PCDHGB3: variants seen among roughly 807,000 people sequenced by gnomAD.
PCDHGB3 encodes the protein protocadherin gamma subfamily B, 3, also known as protocadherin gamma-B3.
PCDHGB3 carries 40 observed loss-of-function variants against 59.2 expected under a neutral mutation model. The observed-to-expected ratio is 0.68, with a 90% confidence interval of 0.52 to 0.88. PCDHGB3 has a LOEUF of 0.88. Among genes scored for constraint, PCDHGB3 ranks in the 40% least tolerant of loss-of-function variants. PCDHGB3 has a pLI of 0.00. For synonymous variants in PCDHGB3, 581 were observed against 503.6 expected (o/e 1.15, Z -2.06); for missense variants, 1,309 against 1,187.9 (o/e 1.10, Z -1.50).
rs773014837 is a variant in PCDHGB3 at position 141,374,968 on chromosome 5, T to G, written c.2415+2159T>G. 114 of 1,614,056 alleles carry G rather than the reference T, an allele frequency of 7.1e-5. No individual in the cohort carries two copies. The highest frequency in any genetic ancestry group is 3.3e-4 in the Middle Eastern group (2 of 6,062). On this transcript the variant is annotated intron_variant, in intron 1 of 3. Transcript: ENST00000576222. ...AGATCTCACAAATTTTCTGTTTGAA[T>G]GTTTTGACTGGAGAAATTTCAACTT... is the stretch of plus-strand genomic sequence containing the variant.
At chr5:141,428,320 T>G in intron 1 of PCDHGB3, 2 of 650,176 alleles carry the variant, frequency 3.1e-6, no homozygotes, top group Non-Finnish European at 5.5e-6. Context: ...GGCCTTGGCC[T>G]TGATTTCTAT....
chr5:141,383,417 G>T lies in PCDHGB3; in HGVS notation c.2415+10608G>T. The T allele has an allele frequency of 1.9e-6, 3 of 1,614,014 alleles. No homozygotes were observed. In the South Asian group the frequency reaches 3.3e-5, roughly 18 times the overall value. On this transcript the variant is annotated intron_variant, in intron 1 of 3. Transcript: ENST00000576222. ...AACTCCCTCCAGAGTTACCAGCTCA[G>T]CCCCAATCGCCACTTCTCCCTGGCT...
At position 141,424,135 on chromosome 5, in the gene PCDHGB3, G is replaced by A. The variant is rs572224199; in HGVS notation, c.2415+51326G>A. 1.1e-4 allele frequency: 47 copies of A among 431,606 alleles called. No individual in the cohort carries two copies. The South Asian group carries it at 4.6e-3, about 43-fold the overall frequency. The allele number at this position is 431,606 out of a possible 1,614,324, so 26.7% of individuals were successfully genotyped here. On this transcript the variant is annotated intron_variant, in intron 1 of 3. Coordinates refer to ENST00000576222, the MANE Select transcript of PCDHGB3 (RefSeq NM_018924.5). The stretch of plus-strand genomic sequence containing the variant: ...AAATTTTGATCCTGTTGATTTAATA[G>A]CATGCTCCCTCTAGCTCTCCTTCTC...
chr5:141,490,775 A>G lies in PCDHGB3; in HGVS notation c.2416-4032A>G. 6 of 1,614,110 alleles carry G rather than the reference A, an allele frequency of 3.7e-6. No homozygotes were observed. Among genetic ancestry groups the G allele is most frequent in the Non-Finnish European group, 5.1e-6 (6 of 1,179,964 alleles). On this transcript the variant is annotated intron_variant, in intron 1 of 3. Transcript: ENST00000576222. The surrounding 1 kb of genome is among the most constrained non-coding windows in gnomAD (Gnocchi z 5.4). ...TCCTCCTTTGTGTATGTCAACCCAG[A>G]GGATGGACGGATCTTTGCCCAGCGT...
At chr5:141,408,691 C>T (rs1013098114) in intron 1 of PCDHGB3, 1 of 1,613,854 alleles carries the variant, frequency 6.2e-7, no homozygotes, top group Non-Finnish European at 8.5e-7. Flanking sequence ...CTGATATAAA[C>T]ATAAACTCAA....
intron 1 of PCDHGB3, chr5:141,396,092 A>G (rs1589275874): frequency 6.6e-6 from 1 of 152,314 alleles, no homozygotes; most frequent in East Asian, 1.9e-4. Context: ...AAGTGGTGAG[A>G]ATGTTGATAT....
At position 141,370,471 on chromosome 5, in the gene PCDHGB3, A is replaced by G. The variant is rs773034189; in HGVS notation, c.77A>G (p.Asp26Gly). 3.1e-6 allele frequency: 5 copies of G among 1,613,570 alleles called. No individual in the cohort carries two copies. The highest frequency in any genetic ancestry group is 4.2e-6 in the Non-Finnish European group (5 of 1,179,736). The change falls in exon 1 of 4, where the codon GAC (aspartate) becomes GGC (glycine). Residue 26 changes from aspartate to glycine, a missense_variant. Transcript: ENST00000576222. ...MLFLFLLSLL[D>G]QALSEPIRYA... ...TTTCTCTTCCTGCTCTCTTTGTTAGACCAGGCTCTCTCCGAACCGATCCGC... is the reference window on the plus strand; with the variant it reads ...TTTCTCTTCCTGCTCTCTTTGTTAGGCCAGGCTCTCTCCGAACCGATCCGC...
chr5:141,439,118 G>A (rs1293542421), intron 1 of PCDHGB3, among the ~76,000 whole-genome samples: 3 of 151,390 alleles, frequency 2.0e-5, no homozygotes, highest in Non-Finnish European at 4.4e-5. Flanking sequence ...ACTTGAACCC[G>A]GGAGACAGAG....
intron 1 of PCDHGB3, chr5:141,398,970 C>G (rs1320199481): frequency 6.2e-7 from 1 of 1,613,958 alleles, no homozygotes; most frequent in South Asian, 1.1e-5. Flanking sequence ...CTTATTCCTT[C>G]TACAGAACCG....
chr5:141,408,461 A>G, intron 1 of PCDHGB3: 4 of 1,614,044 alleles, frequency 2.5e-6, no homozygotes, highest in Non-Finnish European at 3.4e-6. Context: ...CTTACTTGTG[A>G]AGAACCGAAT....
intron 1 of PCDHGB3, chr5:141,403,870 T>A: frequency 6.2e-7 from 1 of 1,613,498 alleles, no homozygotes; most frequent in African/African-American, 1.3e-5. Flanking sequence ...CAGCAAAAAG[T>A]CTAGATTATG....
chr5:141,419,220 A>G (rs2096345873), intron 1 of PCDHGB3: 1 of 1,613,966 alleles, frequency 6.2e-7, no homozygotes, highest in Non-Finnish European at 8.5e-7. Context: ...GTTTTCGGAC[A>G]GTCAGCCTAC....
At chr5:141,430,928 C>A in intron 1 of PCDHGB3, 1 of 1,607,098 alleles carries the variant, frequency 6.2e-7, no homozygotes, top group Non-Finnish European at 8.5e-7. Context: ...GCTGGAGCCC[C>A]GGGAGCTCGC....
rs1562150111 is a variant in PCDHGB3, at chr5:141,491,805, T to G, written c.2416-3002T>G. 1 of 1,495,892 alleles carries G rather than the reference T, an allele frequency of 6.7e-7. No homozygotes were observed. 92.7% of individuals were successfully genotyped at this position (1,495,892 alleles called of 1,614,324 possible). A position where few individuals can be genotyped will look rare whatever the true frequency, so the allele number is the denominator to read the frequency against. On this transcript the variant is annotated intron_variant, in intron 1 of 3. Coordinates refer to ENST00000576222, the MANE Select transcript of PCDHGB3 (RefSeq NM_018924.5). This position sits in a 1 kb window ranked among gnomAD's most constrained non-coding sequence, Gnocchi z 6.9. ...TGCATCCACTCCTCTCCGGCCGGCT[T>G]GGTCGCTGGCTGCGCTCCACCCGAT... is the stretch of plus-strand genomic sequence containing the variant.
rs1172687028 is a variant in PCDHGB3 at position 141,371,220 on chromosome 5, G to A, written c.826G>A (p.Glu276Lys). The part of the protein sequence containing the change: ...AIDMDEGINA[E>K]IIYAFINIGK... ...TGACATGGATGAGGGCATCAATGCCGAAATCATCTATGCCTTCATCAATAT... is the reference window on the plus strand; with the variant it reads ...TGACATGGATGAGGGCATCAATGCCAAAATCATCTATGCCTTCATCAATAT... The change falls in exon 1 of 4, where the codon GAA becomes AAA. Residue 276 changes from glutamate to lysine, a missense_variant. Transcript: ENST00000576222. The A allele has an allele frequency of 2.5e-6, 4 of 1,613,874 alleles. No homozygotes were observed. Among genetic ancestry groups the A allele is most frequent in the South Asian group, 1.1e-5 (1 of 91,092 alleles).
intron 1 of PCDHGB3, chr5:141,418,462 C>G: frequency 1.2e-6 from 2 of 1,613,974 alleles, no homozygotes; most frequent in Non-Finnish European, 8.5e-7. Flanking sequence ...AGACTCTGGA[C>G]CGAGAAACGC....
chr5:141,446,850 C>T (rs1027473189), intron 1 of PCDHGB3, among the ~76,000 whole-genome samples: 2 of 152,114 alleles, frequency 1.3e-5, no homozygotes, highest in Non-Finnish European at 2.9e-5. Flanking sequence ...GCATAATAAG[C>T]TTCCTGATAG....
chr5:141,497,495 T>C (rs193075970), intron 2 of PCDHGB3, among the ~76,000 whole-genome samples: 28 of 151,186 alleles, frequency 1.9e-4, no homozygotes, highest in Admixed American at 1.7e-3. Context: ...TCTCTCTCTC[T>C]CCTCTCTCTG....
rs371379465 is a variant in PCDHGB3, at chr5:141,372,146, T to A, written c.1752T>A (p.Pro584=). 6.2e-7 allele frequency: 1 copy of A among 1,613,620 alleles called. No homozygotes were observed. The highest frequency in any genetic ancestry group is 8.5e-7 in the Non-Finnish European group (1 of 1,179,930). Residue 584 remains proline, a synonymous_variant, in exon 1 of 4, where the codon CCT becomes CCA. Transcript: ENST00000576222. ...ATATGGTGCCGCGCTCTGCAGAGCCTGGCTACCTGGTGACCAAGGTGGTGG... is the reference window on the plus strand; with the variant it reads ...ATATGGTGCCGCGCTCTGCAGAGCCAGGCTACCTGGTGACCAAGGTGGTGG... ...LFDMVPRSAE[P]GYLVTKVVAV... is the part of the protein sequence containing the mutation.
Sources: allele counts gnomAD v4.1 joint callset (sites outside exome capture counted in the v4.1 genomes callset), GRCh38; gene constraint gnomAD v4.1.1; non-coding constraint Gnocchi (gnomAD v3.1); transcripts MANE v1.5; gene names NCBI Gene and HGNC (gene_info 2026-07-23, HGNC 2026-07-21).